ZNF653: variants seen among roughly 807,000 people sequenced by gnomAD.
ZNF653 encodes the protein 67 kDa zinc finger protein.
Under a neutral mutation model 59.9 loss-of-function variants are expected in ZNF653, and 37 were observed. The observed-to-expected ratio is 0.62, with a 90% CI of 0.48 to 0.81. The LOEUF is 0.81. ZNF653 is among the 40% of genes least tolerant of loss of function. The pLI is 0.00. For missense variants in ZNF653, 808 were observed against 881.1 expected (o/e 0.92, Z 1.05); for synonymous variants, 435 against 371.8 (o/e 1.17, Z -1.96).
rs764734624 is a variant in ZNF653, at chr19:11,487,028, G to A, written c.1302C>T (p.Asp434=). 6.2e-7 allele frequency: 1 copy of A among 1,614,124 alleles called. No individual in the cohort carries two copies. Among genetic ancestry groups the A allele is most frequent in the Non-Finnish European group, 8.5e-7 (1 of 1,179,990 alleles). ...EADGEELDGS[D]MSAIIYEIPK... Reference sequence around the variant, plus strand: ...GGATTTCATAGATGATGGCTGACATGTCGCTGCCGTCCAGCTCCTCCCCGT... The same window carrying A: ...GGATTTCATAGATGATGGCTGACATATCGCTGCCGTCCAGCTCCTCCCCGT... The change falls in exon 5 of 9, where the codon GAC becomes GAT. Residue 434 remains aspartate (D), a synonymous_variant. Transcript: ENST00000293771. The surrounding 1 kb of genome is among the most constrained non-coding windows in gnomAD (Gnocchi z 5.1).
chr19:11,494,653 A>G lies in ZNF653; in HGVS notation c.559+1297T>C, dbSNP rs542249660. 3.9e-5 allele frequency among the ~76,000 whole-genome samples: 6 copies of G among 152,306 alleles called. No homozygotes were observed. The South Asian group carries it at 1.2e-3, about 32-fold the overall frequency. ...CAGTGAGCCGAGATCGCGCCATTGCACTCCAGCCTGGGCGACAAGAGCGAG... is the reference window on the plus strand; with the variant it reads ...CAGTGAGCCGAGATCGCGCCATTGCGCTCCAGCCTGGGCGACAAGAGCGAG... On this transcript the variant is annotated intron_variant, in intron 3 of 8. Coordinates refer to ENST00000293771, the MANE Select transcript of ZNF653 (RefSeq NM_138783.4).
chr19:11,497,212 CCTGT>C (rs1568396515), intron 2 of ZNF653, among the ~76,000 whole-genome samples: 1 of 152,200 alleles, frequency 6.6e-6, no homozygotes, highest in Non-Finnish European at 1.5e-5. Flanking sequence ...TTACATGTGC[CCTGT>C]CTGTCTCTCC....
chr19:11,498,723 C>T, intron 1 of ZNF653, among the ~76,000 whole-genome samples: 1 of 151,412 alleles, frequency 6.6e-6, no homozygotes, highest in East Asian at 1.9e-4. Flanking sequence ...GTATTACAGG[C>T]ATGAGCCGCC....
At chr19:11,497,747 T>A (rs1303526734) in intron 2 of ZNF653, among the ~76,000 whole-genome samples, 1 of 152,066 alleles carries the variant, frequency 6.6e-6, no homozygotes. Flanking sequence ...AACAGAGTCG[T>A]CACCCACAGC....
chr19:11,490,639 C>T (rs1457774486), intron 3 of ZNF653, among the ~76,000 whole-genome samples: 2 of 151,986 alleles, frequency 1.3e-5, no homozygotes, highest in Admixed American at 6.6e-5. Context: ...GTGATCTGCC[C>T]GCCTTGGCCT....
chr19:11,486,917 A>G, intron 5 of ZNF653, 37 bp from the exon 6 acceptor site: 1 of 1,611,418 alleles, frequency 6.2e-7, no homozygotes, highest in Non-Finnish European at 8.5e-7. Flanking sequence ...GGGCTCCCGC[A>G]CCAGGCAGGC....
chr19:11,495,832 G>A lies in ZNF653; in HGVS notation c.559+118C>T. On this transcript the variant is annotated intron_variant, in intron 3 of 8. Transcript: ENST00000293771. This position sits in a 1 kb window ranked among gnomAD's most constrained non-coding sequence, Gnocchi z 4.9. Reference sequence around the variant, plus strand: ...CATCGTGTCCCTGCTCTGCCCCAGTGCCAGAGCCAGAGCCAGAGCCACTGT... The same window carrying A: ...CATCGTGTCCCTGCTCTGCCCCAGTACCAGAGCCAGAGCCAGAGCCACTGT... 2.8e-6 allele frequency: 3 copies of A among 1,071,932 alleles called. No individual in the cohort carries two copies. The highest frequency in any genetic ancestry group is 3.0e-5 in the South Asian group (2 of 65,784). The allele number at this position is 1,071,932 out of a possible 1,614,324, so 66.4% of individuals were successfully genotyped here.
At chr19:11,505,462 C>T in intron 1 of ZNF653, 26 bp downstream of exon 1, 1 of 1,431,906 alleles carries the variant, frequency 7.0e-7, no homozygotes. Flanking sequence ...CTCCTCCCTC[C>T]CTCCCTCGGG....
intron 1 of ZNF653, chr19:11,500,542 C>T (rs1971633034): frequency 6.6e-6 from 1 of 152,334 alleles, no homozygotes; most frequent in Admixed American, 6.6e-5. Flanking sequence ...CTATGTTGGC[C>T]AGACTGGTCT....
chr19:11,501,585 G>A (rs975886548), intron 1 of ZNF653, among the ~76,000 whole-genome samples: 25 of 152,082 alleles, frequency 1.6e-4, no homozygotes, highest in African/African-American at 5.1e-4. Flanking sequence ...GCTCCATCAC[G>A]TCACACACTC....
At chr19:11,498,200 T>C (rs1971608145) in intron 2 of ZNF653, 96 bp downstream of exon 2, 2 of 1,560,978 alleles carry the variant, frequency 1.3e-6, no homozygotes, top group Non-Finnish European at 1.8e-6. Context: ...CCAACTGTGC[T>C]GCCTAGGGCA....
chr19:11,485,933 G>A (rs1279367480), intron 6 of ZNF653, among the ~76,000 whole-genome samples, 163 bp from the exon 7 acceptor site: 3 of 151,876 alleles, frequency 2.0e-5, no homozygotes, highest in Non-Finnish European at 4.4e-5. Context: ...GGGCACAACT[G>A]GGGTCAAAGG....
At position 11,487,806 on chromosome 19, in the gene ZNF653, C is replaced by T. The variant is rs763350285; in HGVS notation, c.657G>A (p.Ala219=). The T allele has an allele frequency of 1.1e-5, 18 of 1,612,244 alleles. No homozygotes were observed. The highest frequency in any genetic ancestry group is 5.0e-5 in the Admixed American group (3 of 59,942). ...TGGGCGTCGCTGCCGCTGCCGCTGC[C>T]GCAGCCTTGACCGGCTGGCCCTCAG... ...ESPEGQPVKA[A]AAAAAATPTS... The change falls in exon 4 of 9, where the codon GCG becomes GCA. Residue 219 remains alanine (A), a synonymous_variant. Coordinates refer to ENST00000293771, the MANE Select transcript of ZNF653 (RefSeq NM_138783.4). This position sits in a 1 kb window ranked among gnomAD's most constrained non-coding sequence, Gnocchi z 5.1.
chr19:11,501,209 C>T (rs1420625112), intron 1 of ZNF653, among the ~76,000 whole-genome samples: 1 of 149,758 alleles, frequency 6.7e-6, no homozygotes, highest in East Asian at 1.9e-4. Context: ...GACAGGCTCT[C>T]GTGGTGTTGC....
Position 11,487,142 on chromosome 19 carries a change from G to C in ZNF653, c.1188C>G (p.Cys396Trp), listed in dbSNP as rs747621823. The C allele has an allele frequency of 6.2e-7, 1 of 1,611,628 alleles. No homozygotes were observed. The highest frequency in any genetic ancestry group is 8.5e-7 in the Non-Finnish European group (1 of 1,179,974). The change falls in exon 5 of 9, where the codon TGC becomes TGG. Residue 396 changes from cysteine to tryptophan, a missense_variant. Physicochemically the swap from Cys to Trp is radical, Grantham distance 215. Transcript: ENST00000293771. This position sits in a 1 kb window ranked among gnomAD's most constrained non-coding sequence, Gnocchi z 5.1. ...CCTCCTTCTCCTCCTTCTTTAGCAA[G>C]CACAGGTCCTCCTTCTCTACAGGGT... Reference protein sequence around the residue: ...IETKKEKEDLCLLKKEEKEEP... With the variant: ...IETKKEKEDLWLLKKEEKEEP...
In ZNF653 at chr19:11,505,508, GC is replaced by G; in HGVS notation, c.278del (p.Gly93AlafsTer28). 1 of 1,495,130 alleles carries G rather than the reference GC, an allele frequency of 6.7e-7. No individual in the cohort carries two copies. The allele number at this position is 1,495,130 out of a possible 1,614,324, so 92.6% of individuals were successfully genotyped here. A position where few individuals can be genotyped will look rare whatever the true frequency, so the allele number is the denominator to read the frequency against. ...CTCACCCGTGGCGGCCGCTCCGCTG[GC>G]CGCGCTCCAGAGAGATGAGGTAGGC... Reference protein sequence around the residue: ...LAAYLISLERGQRSGRHGKPW... With the variant: ...LAAYLISLERXQRSGRHGKPW... On this transcript the variant is annotated frameshift_variant, in exon 1 of 9. Transcript: ENST00000293771. LOFTEE classifies it high-confidence loss of function.
intron 3 of ZNF653, among the ~76,000 whole-genome samples, chr19:11,492,994 G>GC: frequency 6.6e-6 from 1 of 151,942 alleles, no homozygotes; most frequent in South Asian, 2.1e-4. Context: ...TGATCCACCT[G>GC]CCTTGGCCTC....
In ZNF653 at chr19:11,494,327, GATAACATAACATAAC is replaced by G. The variant is rs71166604; in HGVS notation, c.559+1608_559+1622del. 2.8e-3 allele frequency among the ~76,000 whole-genome samples: 385 copies of G among 139,670 alleles called. 2 individuals carry two copies. Among genetic ancestry groups the G allele is most frequent in the South Asian group, 0.011 (48 of 4,292 alleles). The allele number at this position is 139,670 out of a possible 152,430, so 91.6% of individuals were successfully genotyped here. On this transcript the variant is annotated intron_variant, in intron 3 of 8. Coordinates refer to ENST00000293771, the MANE Select transcript of ZNF653 (RefSeq NM_138783.4). ...ACAGAGACAGAATCTGTCTCAAAAAGATAACATAACATAACATAACATAACATAACATAACATAAC... is the reference window on the plus strand; with the variant it reads ...ACAGAGACAGAATCTGTCTCAAAAAGATAACATAACATAACATAACATAAC...
At chr19:11,484,235 C>T in intron 7 of ZNF653, 94 bp from the exon 8 acceptor site, 1 of 996,296 alleles carries the variant, frequency 1.0e-6, no homozygotes, top group Admixed American at 2.0e-5. Flanking sequence ...ATCAGGCTGT[C>T]TCCTTGGATC....
Sources: allele counts gnomAD v4.1 joint callset (sites outside exome capture counted in the v4.1 genomes callset), GRCh38; gene constraint gnomAD v4.1.1; non-coding constraint Gnocchi (gnomAD v3.1); transcripts MANE v1.5; gene names NCBI Gene and HGNC (gene_info 2026-07-23, HGNC 2026-07-21).